Variants in ZNF565 observed in about 807,000 individuals in gnomAD.
ZNF565 encodes zinc finger protein 565.
In ZNF565, 27 loss-of-function variants were observed where a neutral mutation model predicts 39.4. That is an observed-to-expected ratio of 0.69 (90% CI 0.51 to 0.95). The LOEUF (loss-of-function observed/expected upper bound fraction) is 0.95. Ranked by LOEUF, ZNF565 falls within the 40% of genes least tolerant of loss-of-function variation. ZNF565 has a pLI of 0.00. For synonymous variants in ZNF565, 185 were observed against 216.6 expected (o/e 0.85, Z 1.28); for missense variants, 524 against 621.1 (o/e 0.84, Z 1.66).
At chr19:36,236,903 C>A (rs1362163987) in intron 1 of ZNF565, 1 of 1,614,070 alleles carries the variant, frequency 6.2e-7, no homozygotes. Flanking sequence ...TGGAGAGAAG[C>A]CTTTTAAATG....
At chr19:36,203,716 C>A (rs1976050551) in intron 1 of ZNF565, among the ~76,000 whole-genome samples, 1 of 151,988 alleles carries the variant, frequency 6.6e-6, no homozygotes, top group South Asian at 2.1e-4. Flanking sequence ...GCTAGGAGTA[C>A]AGGCGCACAC....
chr19:36,229,612 T>A (rs1977235368), intron 1 of ZNF565, among the ~76,000 whole-genome samples: 1 of 152,226 alleles, frequency 6.6e-6, no homozygotes, highest in Non-Finnish European at 1.5e-5. Context: ...CAAATATATA[T>A]ACATATAAGC....
intron 1 of ZNF565, among the ~76,000 whole-genome samples, chr19:36,211,654 G>A (rs1050598513): frequency 2.4e-4 from 36 of 151,988 alleles, no homozygotes; most frequent in African/African-American, 8.0e-4. Flanking sequence ...TTAGCCAGGC[G>A]CGGTGGCAGG....
At chr19:36,219,759 T>G (rs1394825681) in intron 1 of ZNF565, among the ~76,000 whole-genome samples, 2 of 151,566 alleles carry the variant, frequency 1.3e-5, no homozygotes, top group Non-Finnish European at 2.9e-5. Flanking sequence ...TGATTTTCTG[T>G]TTTTTTTGTT....
chr19:36,196,931 C>T (rs1258731221), intron 2 of ZNF565, among the ~76,000 whole-genome samples: 1 of 152,120 alleles, frequency 6.6e-6, no homozygotes, highest in Admixed American at 6.6e-5. Flanking sequence ...GTGGCAGGTG[C>T]CTGTAATCCA....
intron 1 of ZNF565, among the ~76,000 whole-genome samples, chr19:36,223,917 A>G (rs1976968372): frequency 6.6e-6 from 1 of 152,024 alleles, no homozygotes; most frequent in South Asian, 2.1e-4. Context: ...TCCTGGGCCC[A>G]AGTGATCCTG....
At chr19:36,183,786 T>TA (rs1975181231) in intron 4 of ZNF565, 53 bp from the exon 5 acceptor site, 4 of 1,513,492 alleles carry the variant, frequency 2.6e-6, no homozygotes, top group South Asian at 1.3e-5. Context: ...CTATGAGAAA[T>TA]AAAAAATTCT....
chr19:36,233,905 GACCCTTT>G (rs1488864788), intron 1 of ZNF565, among the ~76,000 whole-genome samples: 1 of 152,134 alleles, frequency 6.6e-6, no homozygotes, highest in Non-Finnish European at 1.5e-5. Context: ...CCTCAGCACA[GACCCTTT>G]ACGGGTGTCG....
intron 4 of ZNF565, among the ~76,000 whole-genome samples, chr19:36,188,378 GAGA>G (rs1975392744): frequency 6.7e-6 from 1 of 148,338 alleles, no homozygotes; most frequent in South Asian, 2.2e-4. Context: ...AAAAGAGAGA[GAGA>G]AAAAAAAATT....
chr19:36,195,939 AT>A (rs112487353), intron 2 of ZNF565, among the ~76,000 whole-genome samples: 7,386 of 141,402 alleles, frequency 0.052, 548 homozygotes, highest in African/African-American at 0.18. Flanking sequence ...AAGATGAAGA[AT>A]TTTTTTTTTT....
At chr19:36,209,420 G>A (rs747870266) in intron 1 of ZNF565, among the ~76,000 whole-genome samples, 2 of 152,144 alleles carry the variant, frequency 1.3e-5, no homozygotes, top group Non-Finnish European at 2.9e-5. Flanking sequence ...GCTTGAACCC[G>A]AGAGGTGGAG....
intron 2 of ZNF565, among the ~76,000 whole-genome samples, chr19:36,198,656 G>A (rs1444250394): frequency 6.6e-6 from 1 of 151,914 alleles, no homozygotes; most frequent in East Asian, 1.9e-4. Flanking sequence ...CTGGAGTGCA[G>A]TGGCATGATC....
intron 2 of ZNF565, among the ~76,000 whole-genome samples, chr19:36,196,980 T>C (rs4806283): frequency 0.61 from 92,559 of 151,428 alleles, 28,281 homozygotes; most frequent in Admixed American, 0.66. Flanking sequence ...TGCTTGAACC[T>C]GGGAGGCAGA....
intron 1 of ZNF565, among the ~76,000 whole-genome samples, chr19:36,232,923 CAA>C (rs1977450820): frequency 6.6e-6 from 1 of 152,216 alleles, no homozygotes; most frequent in South Asian, 2.1e-4. Context: ...TTAAATATAA[CAA>C]ATGCTGAAGG....
chr19:36,224,072 T>C (rs1976972895), intron 1 of ZNF565, among the ~76,000 whole-genome samples: 2 of 152,326 alleles, frequency 1.3e-5, no homozygotes, highest in South Asian at 4.1e-4. Flanking sequence ...CCACGTTCTT[T>C]GACATCATTT....
chr19:36,241,666 C>A (rs1000986230), intron 1 of ZNF565, among the ~76,000 whole-genome samples: 3 of 150,926 alleles, frequency 2.0e-5, no homozygotes, highest in Non-Finnish European at 2.9e-5. Flanking sequence ...GTAGTGGACA[C>A]CTATCATCCC....
chr19:36,227,115 G>A (rs1269061647), intron 1 of ZNF565, among the ~76,000 whole-genome samples: 4 of 151,358 alleles, frequency 2.6e-5, no homozygotes, highest in Non-Finnish European at 5.9e-5. Flanking sequence ...TTGGCTGGGC[G>A]CAGTGGCTCA....
At chr19:36,231,067 G>A (rs1599984956) in intron 1 of ZNF565, among the ~76,000 whole-genome samples, 1 of 152,068 alleles carries the variant, frequency 6.6e-6, no homozygotes, top group Non-Finnish European at 1.5e-5. Flanking sequence ...TTATTCCTAG[G>A]TTACCTCAAG....
upstream of ZNF565, among the ~76,000 whole-genome samples, chr19:36,218,641 T>C (rs1976712493): frequency 6.6e-6 from 1 of 151,480 alleles, no homozygotes; most frequent in Non-Finnish European, 1.5e-5. Context: ...AATTTTGTTT[T>C]TGTATTTTTA....
Sources: gnomAD v4.1 joint callset for allele counts (sites outside exome capture counted in the v4.1 genomes callset) on GRCh38, gnomAD v4.1.1 for gene constraint, MANE v1.5 for transcripts, NCBI Gene and HGNC (gene_info 2026-07-23, HGNC 2026-07-21) for gene names.